NRG1: variants seen among roughly 807,000 people sequenced by gnomAD.
The protein encoded by NRG1 is neuregulin 1.
A neutral mutation model predicts 63.8 loss-of-function variants in NRG1; 18 were observed. The observed-to-expected ratio is 0.28, with a 90% confidence interval of 0.19 to 0.42. The LOEUF is 0.42. Ranked by LOEUF, NRG1 falls within the 10% of genes least tolerant of loss-of-function variation. NRG1 has a pLI of 1.00. For synonymous variants in NRG1, 302 were observed against 301.3 expected (o/e 1.00, Z -0.02); for missense variants, 762 against 814.7 (o/e 0.94, Z 0.79).
At chr8:32,164,484 A>G (rs1043633356) in intron 1 of NRG1, among the ~76,000 whole-genome samples, 2 of 152,162 alleles carry the variant, frequency 1.3e-5, no homozygotes, top group African/African-American at 4.8e-5. Context: ...GTTCCCAGAC[A>G]TTTAGGTTTT....
chr8:32,215,553 G>A (rs1281920389), intron 1 of NRG1, among the ~76,000 whole-genome samples: 1 of 152,140 alleles, frequency 6.6e-6, no homozygotes, highest in African/African-American at 2.4e-5. Flanking sequence ...GTATGCATGA[G>A]GAAATGCCTC....
chr8:32,523,683 C>T (rs983139100), intron 1 of NRG1, among the ~76,000 whole-genome samples: 3 of 151,934 alleles, frequency 2.0e-5, no homozygotes, highest in African/African-American at 7.2e-5. Context: ...AACCCCGCCT[C>T]TACTAAAAAC....
At chr8:31,759,811 T>C (rs1817343148) in intron 1 of NRG1, among the ~76,000 whole-genome samples, 2 of 152,148 alleles carry the variant, frequency 1.3e-5, no homozygotes, top group South Asian at 4.1e-4. Context: ...AATTAATATG[T>C]TTACAACATT....
At chr8:32,106,788 G>T (rs1162723102) in intron 1 of NRG1, among the ~76,000 whole-genome samples, 1 of 152,102 alleles carries the variant, frequency 6.6e-6, no homozygotes, top group African/African-American at 2.4e-5. Flanking sequence ...GTTGTACATA[G>T]ACTTTTGTCA....
chr8:31,901,233 A>G (rs555508928), intron 1 of NRG1, among the ~76,000 whole-genome samples: 1 of 152,320 alleles, frequency 6.6e-6, no homozygotes, highest in African/African-American at 2.4e-5. Flanking sequence ...ACAAAAGCAA[A>G]TGATGATATA....
intron 1 of NRG1, among the ~76,000 whole-genome samples, chr8:31,845,798 A>G (rs1363172078): frequency 6.6e-6 from 1 of 152,174 alleles, no homozygotes; most frequent in Non-Finnish European, 1.5e-5. Flanking sequence ...ACTTGTACAT[A>G]CCTTTTTATT....
chr8:32,517,909 A>G (rs2129504528), intron 1 of NRG1, among the ~76,000 whole-genome samples: 1 of 152,276 alleles, frequency 6.6e-6, no homozygotes, highest in Admixed American at 6.5e-5. Context: ...ACATGTAAAC[A>G]CAAATTGGTT....
At chr8:32,680,061 A>G (rs773771423) in intron 5 of NRG1, among the ~76,000 whole-genome samples, 6 of 152,190 alleles carry the variant, frequency 3.9e-5, no homozygotes, top group Admixed American at 6.5e-5. Flanking sequence ...TTTACTCTTC[A>G]TTGCTTTTAA....
At chr8:32,449,799 C>T (rs943640820) in intron 1 of NRG1, among the ~76,000 whole-genome samples, 4 of 152,198 alleles carry the variant, frequency 2.6e-5, no homozygotes, top group African/African-American at 9.6e-5. Context: ...ACTTCCTACA[C>T]ACCATGCATA....
rs571794407 is a variant in NRG1, at chr8:32,693,495, C to T, written c.503-34454C>T. Among the ~76,000 whole-genome samples, 197 of 149,354 alleles carry T rather than the reference C, an allele frequency of 1.3e-3. 1 individual carries two copies. Among genetic ancestry groups the T allele is most frequent in the Admixed American group, 0.013 (186 of 14,814 alleles). On this transcript the variant is annotated intron_variant, in intron 5 of 11. Coordinates refer to ENST00000356819, the Ensembl canonical transcript of NRG1. ...CCTCCCAAAGTGCTGGGATTACAGG[C>T]GTGAGCCACCACACCCGGCCAGGTC... is the stretch of plus-strand genomic sequence containing the variant.
chr8:31,816,467 C>A (rs1000879819), intron 1 of NRG1, among the ~76,000 whole-genome samples: 1 of 152,196 alleles, frequency 6.6e-6, no homozygotes, highest in Non-Finnish European at 1.5e-5. Context: ...AAGTAGAAAA[C>A]TCTCAACATT....
chr8:32,410,284 A>G (rs1814726523), intron 1 of NRG1, among the ~76,000 whole-genome samples: 1 of 144,072 alleles, frequency 6.9e-6, no homozygotes, highest in Non-Finnish European at 1.5e-5. Flanking sequence ...AGGCTCAGGC[A>G]GTCCTCCCAC....
chr8:32,056,277 A>G (rs1049613200), intron 1 of NRG1, among the ~76,000 whole-genome samples: 7 of 152,182 alleles, frequency 4.6e-5, no homozygotes, highest in African/African-American at 9.6e-5. Context: ...CTGTCTTCCA[A>G]TTAAGATGGT....
At chr8:32,149,263 A>C (rs995893938) in intron 1 of NRG1, among the ~76,000 whole-genome samples, 1 of 152,248 alleles carries the variant, frequency 6.6e-6, no homozygotes, top group Non-Finnish European at 1.5e-5. Flanking sequence ...TACCTGTCTC[A>C]AAATTATTTT....
chr8:31,639,948 C>G (rs1302604474), intron 1 of NRG1: 1 of 1,122,530 alleles, frequency 8.9e-7, no homozygotes, highest in East Asian at 4.8e-5. Context: ...GGGCAGAGTC[C>G]GAACCGACAG....
chr8:31,921,477 T>C (rs893937036), intron 1 of NRG1, among the ~76,000 whole-genome samples: 10 of 150,804 alleles, frequency 6.6e-5, no homozygotes, highest in Admixed American at 1.3e-4. Flanking sequence ...TACACACACA[T>C]ACACACACAC....
chr8:31,869,962 T>G (rs1196097452), intron 1 of NRG1, among the ~76,000 whole-genome samples: 1 of 151,994 alleles, frequency 6.6e-6, no homozygotes, highest in Non-Finnish European at 1.5e-5. Flanking sequence ...AGCAATACAA[T>G]CAAGAAAACA....
At chr8:32,292,612 C>T (rs544917342) in intron 1 of NRG1, among the ~76,000 whole-genome samples, 11 of 152,212 alleles carry the variant, frequency 7.2e-5, no homozygotes, top group Middle Eastern at 3.4e-3. Context: ...CTTTCTAATT[C>T]GCAGTAGCAG....
chr8:32,082,553 C>T (rs1449965469), intron 1 of NRG1, among the ~76,000 whole-genome samples: 1 of 152,126 alleles, frequency 6.6e-6, no homozygotes, highest in Non-Finnish European at 1.5e-5. Context: ...TAAAGCACTA[C>T]CCTTGAGCAT....
Sources: gnomAD v4.1 joint callset for allele counts (sites outside exome capture counted in the v4.1 genomes callset) on GRCh38, gnomAD v4.1.1 for gene constraint, MANE v1.5 for transcripts, NCBI Gene and HGNC (gene_info 2026-07-23, HGNC 2026-07-21) for gene names.